The following ADAM10 variants were observed in gnomAD, a reference collection of about 807,000 sequenced individuals.
The protein encoded by ADAM10 is disintegrin and metalloproteinase domain-containing protein 10.
A neutral mutation model predicts 90.1 loss-of-function variants in ADAM10; 17 were observed. That is an observed-to-expected ratio of 0.19 (90% CI 0.13 to 0.28). The LOEUF is 0.28. ADAM10 is among the 10% of genes least tolerant of loss of function. The pLI, the probability that ADAM10 is intolerant of heterozygous loss-of-function variation, is 1.00. For missense variants in ADAM10, 610 were observed against 914.3 expected (o/e 0.67, Z 4.29); for synonymous variants, 310 against 298.6 (o/e 1.04, Z -0.40).
intron 14 of ADAM10, 34 bp from the exon 15 acceptor site, chr15:58,599,758 A>C: frequency 6.2e-7 from 1 of 1,601,404 alleles, no homozygotes; most frequent in Non-Finnish European, 8.5e-7. Context: ...CTGAAAAAAA[A>C]AAAACTACAA....
Position 58,749,548 on chromosome 15 carries a change from T to TGCGGCCGCC in ADAM10, c.-15_-14insGGCGGCCGC. On this transcript the variant is annotated 5_prime_UTR_variant, in exon 1 of 16. Coordinates refer to ENST00000260408, the MANE Select transcript of ADAM10 (RefSeq NM_001110.4). Reference sequence around the variant, plus strand: ...CAGCAACACCATCTTCCGCTGCCGCTGCCGCCGCCGCCGCCTCCTCACGGG... The same window carrying TGCGGCCGCC: ...CAGCAACACCATCTTCCGCTGCCGCTGCGGCCGCCGCCGCCGCCGCCGCCTCCTCACGGG... 1 of 1,551,058 alleles carries TGCGGCCGCC rather than the reference T, an allele frequency of 6.4e-7. No homozygotes were observed. The highest frequency in any genetic ancestry group is 1.4e-5 in the African/African-American group (1 of 73,070).
At position 58,619,349 on chromosome 15, in the gene ADAM10, A is replaced by G. The variant is rs913841257; in HGVS notation, c.1511+2122T>C. ...TGAGAAGGGTAGTGGAGAGGTGGATAAAGAGAGATTGGTTAATGGGTACAA... is the reference window on the plus strand; with the variant it reads ...TGAGAAGGGTAGTGGAGAGGTGGATGAAGAGAGATTGGTTAATGGGTACAA... On this transcript the variant is annotated intron_variant, in intron 11 of 15. Coordinates refer to ENST00000260408, the MANE Select transcript of ADAM10 (RefSeq NM_001110.4). Among the ~76,000 whole-genome samples the G allele has an allele frequency of 2.0e-5, 3 of 152,190 alleles. No individual in the cohort carries two copies. The East Asian group carries it at 5.8e-4, about 29-fold the overall frequency.
chr15:58,643,229 T>C (rs908236392), intron 7 of ADAM10, among the ~76,000 whole-genome samples: 1 of 152,274 alleles, frequency 6.6e-6, no homozygotes, highest in East Asian at 1.9e-4. Flanking sequence ...TTAGAACTCA[T>C]ACTACGTGAC....
rs371807715 is a variant in ADAM10, at chr15:58,635,483, C to G, written c.1013-2124G>C. ...TTTTATGATATTCAAAATTTAATAC[C>G]TTTTCTACACTGACAACTGAGTAGA... On this transcript the variant is annotated intron_variant, in intron 8 of 15. Transcript: ENST00000260408. 1.5e-3 allele frequency among the ~76,000 whole-genome samples: 222 copies of G among 151,902 alleles called. 1 individual carries two copies. Among genetic ancestry groups the G allele is most frequent in the African/African-American group, 5.2e-3 (216 of 41,424 alleles).
intron 5 of ADAM10, chr15:58,655,251 C>G (rs2140711534): frequency 6.6e-6 from 1 of 152,636 alleles, no homozygotes; most frequent in South Asian, 2.1e-4. Context: ...AGTAATTTAT[C>G]AAGAAAAGAG....
intron 5 of ADAM10, among the ~76,000 whole-genome samples, chr15:58,650,042 G>C (rs1376654805): frequency 6.6e-6 from 1 of 151,806 alleles, no homozygotes; most frequent in African/African-American, 2.4e-5. Flanking sequence ...CCTAATTTTT[G>C]TTGTTAACAT....
intron 2 of ADAM10, among the ~76,000 whole-genome samples, chr15:58,695,212 G>C (rs1228622475): frequency 6.6e-6 from 1 of 152,038 alleles, no homozygotes; most frequent in African/African-American, 2.4e-5. Context: ...AGAACTCCAG[G>C]CTTTCTACTT....
Position 58,655,719 on chromosome 15 carries a change from A to ATATACTATATATAG in ADAM10, c.585+9377_585+9378insCTATATATAGTATA, listed in dbSNP as rs1555414929. 4.6e-3 allele frequency among the ~76,000 whole-genome samples: 215 copies of ATATACTATATATAG among 46,860 alleles called. 4 individuals carry two copies. The highest frequency in any genetic ancestry group is 0.014 in the African/African-American group (87 of 6,434). The allele number at this position is 46,860 out of a possible 152,430, so 30.7% of individuals were successfully genotyped here. A position where few individuals can be genotyped will look rare whatever the true frequency, so the allele number is the denominator to read the frequency against. On this transcript the variant is annotated intron_variant, in intron 5 of 15. Transcript: ENST00000260408. Reference sequence around the variant, plus strand: ...TAGTATATATATATATAGTATATATATATATATATATATATATATATTCTT... The same window carrying ATATACTATATATAG: ...TAGTATATATATATATAGTATATATATATACTATATATAGTATATATATATATATATATATTCTT...
At position 58,712,508 on chromosome 15, in the gene ADAM10, A is replaced by T. The variant is rs1428456305; in HGVS notation, c.206+5069T>A. 1.1e-4 allele frequency among the ~76,000 whole-genome samples: 14 copies of T among 130,412 alleles called. 1 individual carries two copies. Among genetic ancestry groups the T allele is most frequent in the Non-Finnish European group, 5.0e-5 (3 of 60,416 alleles). 85.6% of individuals were successfully genotyped at this position (130,412 alleles called of 152,430 possible). A position where few individuals can be genotyped will look rare whatever the true frequency, so the allele number is the denominator to read the frequency against. On this transcript the variant is annotated intron_variant, in intron 2 of 15. Transcript: ENST00000260408. The stretch of plus-strand genomic sequence containing the variant: ...CACTCTACCCTAGCCTGGGCAACAG[A>T]GCCCGGCCCTGTTTCAAAAAAAAAA...
chr15:58,711,160 T>C (rs1179035666), intron 2 of ADAM10, among the ~76,000 whole-genome samples: 3 of 152,104 alleles, frequency 2.0e-5, no homozygotes. Flanking sequence ...CAGAAAAAAA[T>C]AAAGTTGTAT....
At chr15:58,700,583 G>A (rs1225396900) in intron 2 of ADAM10, among the ~76,000 whole-genome samples, 1 of 151,988 alleles carries the variant, frequency 6.6e-6, no homozygotes, top group African/African-American at 2.4e-5. Flanking sequence ...CAAAAGCACT[G>A]CTTACAGGGA....
At chr15:58,662,542 GGCTA>G (rs1896994202) in intron 5 of ADAM10, among the ~76,000 whole-genome samples, 1 of 152,056 alleles carries the variant, frequency 6.6e-6, no homozygotes, top group Admixed American at 6.6e-5. Flanking sequence ...GATGAGATCT[GGCTA>G]GTTTGCCCAG....
At chr15:58,623,025 T>C (rs1895833417) in intron 10 of ADAM10, among the ~76,000 whole-genome samples, 2 of 152,210 alleles carry the variant, frequency 1.3e-5, no homozygotes, top group Admixed American at 1.3e-4. Context: ...ACAGTCATTG[T>C]ACAGGCTTTA....
intron 4 of ADAM10, among the ~76,000 whole-genome samples, chr15:58,665,637 A>G (rs1897061581): frequency 6.6e-6 from 1 of 152,048 alleles, no homozygotes; most frequent in Admixed American, 6.6e-5. Context: ...ACTCTTGGGA[A>G]GATACTCCCC....
intron 1 of ADAM10, among the ~76,000 whole-genome samples, chr15:58,723,289 G>T (rs12441313): frequency 0.14 from 21,241 of 152,008 alleles, 1,771 homozygotes; most frequent in East Asian, 0.33. Context: ...ACAGCCCCGT[G>T]ACTGCAGAAA....
At chr15:58,605,108 A>G (rs1017270133) in intron 14 of ADAM10, among the ~76,000 whole-genome samples, 9 of 152,230 alleles carry the variant, frequency 5.9e-5, no homozygotes, top group African/African-American at 2.2e-4. Flanking sequence ...GGAGACAGAA[A>G]GCCCAGATTT....
At chr15:58,704,066 G>A (rs1401940410) in intron 2 of ADAM10, 1 of 152,306 alleles carries the variant, frequency 6.6e-6, no homozygotes, top group Non-Finnish European at 1.5e-5. Context: ...AGGGAGGAAG[G>A]GGACACCCAT....
At chr15:58,688,493 T>C (rs1323264940) in intron 2 of ADAM10, among the ~76,000 whole-genome samples, 1 of 147,990 alleles carries the variant, frequency 6.8e-6, no homozygotes, top group Admixed American at 6.7e-5. Context: ...TATAAAGAAA[T>C]GTGACAAAGA....
At position 58,634,600 on chromosome 15, in the gene ADAM10, T is replaced by C. The variant is rs187696715; in HGVS notation, c.1013-1241A>G. Among the ~76,000 whole-genome samples, 18 of 152,310 alleles carry C rather than the reference T, an allele frequency of 1.2e-4. No homozygotes were observed. The East Asian group carries it at 3.1e-3, about 26-fold the overall frequency. On this transcript the variant is annotated intron_variant, in intron 8 of 15. Coordinates refer to ENST00000260408, the MANE Select transcript of ADAM10 (RefSeq NM_001110.4). ...GGAAAATCAGAAACCATCTGGTCAA[T>C]TCATGCCTTTATATAGACATTACAC...
Sources: gnomAD v4.1 joint callset for allele counts (sites outside exome capture counted in the v4.1 genomes callset) on GRCh38, gnomAD v4.1.1 for gene constraint, MANE v1.5 for transcripts, NCBI Gene and HGNC (gene_info 2026-07-23, HGNC 2026-07-21) for gene names.